Variants in OXNAD1 observed in about 807,000 individuals in gnomAD.
The protein encoded by OXNAD1 is oxidoreductase NAD binding domain containing 1, also known as oxidoreductase NAD-binding domain-containing protein 1.
A neutral mutation model predicts 32.9 loss-of-function variants in OXNAD1; 34 were observed. The observed-to-expected ratio is 1.03, with a 90% confidence interval of 0.79 to 1.38. The LOEUF (loss-of-function observed/expected upper bound fraction) is 1.38, where lower values mean the gene tolerates loss of function less well. Ranked by LOEUF, OXNAD1 falls within the 40% of genes most tolerant of loss-of-function variation. OXNAD1 has a pLI of 0.00. For synonymous variants in OXNAD1, 134 were observed against 135.2 expected (o/e 0.99, Z 0.06); for missense variants, 407 against 379.4 (o/e 1.07, Z -0.60).
At chr3:16,300,098 C>T (rs1178934853) in intron 6 of OXNAD1, among the ~76,000 whole-genome samples, 1 of 152,138 alleles carries the variant, frequency 6.6e-6, no homozygotes, top group Non-Finnish European at 1.5e-5. Context: ...ACTCCTAGAT[C>T]AGTGGTTTTT....
At chr3:16,267,798 C>T (rs2064637947) in intron 1 of OXNAD1, among the ~76,000 whole-genome samples, 1 of 152,178 alleles carries the variant, frequency 6.6e-6, no homozygotes, top group African/African-American at 2.4e-5. Flanking sequence ...TATTATATCT[C>T]CAAGGCCTAA....
intron 4 of OXNAD1, among the ~76,000 whole-genome samples, chr3:16,272,644 GTTCTT>G (rs2065031021): frequency 8.4e-6 from 1 of 118,836 alleles, no homozygotes; most frequent in Non-Finnish European, 1.7e-5. Context: ...TCAGCTTAAA[GTTCTT>G]TTTTTTTTTT....
Position 16,334,438 on chromosome 3 carries a change from G to C in OXNAD1, c.*31-2674G>C, listed in dbSNP as rs578145626. Among the ~76,000 whole-genome samples, 2 of 152,250 alleles carry C rather than the reference G, an allele frequency of 1.3e-5. No individual in the cohort carries two copies. The highest frequency in any genetic ancestry group is 4.8e-5 in the African/African-American group (2 of 41,540). ...ATTTAACCTACGTATTAAAAAATGAGAAATGCACAGAGTTATTCACTGGAG... is the reference window on the plus strand; with the variant it reads ...ATTTAACCTACGTATTAAAAAATGACAAATGCACAGAGTTATTCACTGGAG... On this transcript the variant is annotated intron_variant, in intron 9 of 9. Transcript: ENST00000435829. The surrounding 1 kb of genome is among the most constrained non-coding windows in gnomAD (Gnocchi z 4.3).
intron 4 of OXNAD1, among the ~76,000 whole-genome samples, chr3:16,272,703 T>C (rs539661093): frequency 6.6e-6 from 1 of 150,716 alleles, no homozygotes; most frequent in South Asian, 2.1e-4. Context: ...ATAGTAGATT[T>C]AGGAGCTTGT....
chr3:16,318,440 T>G (rs2125164874), intron 9 of OXNAD1, among the ~76,000 whole-genome samples: 1 of 152,332 alleles, frequency 6.6e-6, no homozygotes, highest in Admixed American at 6.5e-5. Context: ...GGAAATGATT[T>G]CTTAAGGCTT....
rs780469915 is a variant in OXNAD1, at chr3:16,326,770, T to A, written c.*31-10342T>A. On this transcript the variant is annotated intron_variant, in intron 9 of 9. Coordinates refer to the OXNAD1 transcript ENST00000435829. ...GAATCCTAATGATTACTGTTATTGT[T>A]ACCTGGTAGTCTTGACGACGGGAGT... The A allele has an allele frequency of 1.9e-6, 3 of 1,610,390 alleles. No individual in the cohort carries two copies. The South Asian group carries it at 3.3e-5, about 18-fold the overall frequency.
intron 9 of OXNAD1, among the ~76,000 whole-genome samples, chr3:16,324,646 TTGTGTGTGTGTGTGTGTGTG>T (rs71632869): frequency 4.0e-5 from 4 of 100,434 alleles, no homozygotes; most frequent in African/African-American, 1.7e-4. Flanking sequence ...TAGTATTCCA[TTGTGTGTGTGTGTGTGTGTG>T]TGTGTGTGTG....
chr3:16,294,759 T>G (rs1166333582), intron 5 of OXNAD1, 97 bp from the exon 6 acceptor site: 1 of 1,192,806 alleles, frequency 8.4e-7, no homozygotes, highest in African/African-American at 1.5e-5. Context: ...TTTTAGTAAT[T>G]TTTTTTCATA....
chr3:16,310,494 C>T (rs943226801), downstream of OXNAD1, among the ~76,000 whole-genome samples: 18 of 152,088 alleles, frequency 1.2e-4, no homozygotes, highest in African/African-American at 3.1e-4. Flanking sequence ...GACTAGTGAG[C>T]AACACATTTA....
chr3:16,287,402 C>T lies in OXNAD1; in HGVS notation c.290+954C>T, dbSNP rs2066146899. 1.3e-5 allele frequency among the ~76,000 whole-genome samples: 2 copies of T among 152,178 alleles called. No homozygotes were observed. The highest frequency in any genetic ancestry group is 1.3e-4 in the Admixed American group (2 of 15,276). ...TGCCTTTGAATTTAGAACTAGAAAA[C>T]AAGATGCTGATTGCAATAATTTGGG... On this transcript the variant is annotated intron_variant, in intron 5 of 8. Transcript: ENST00000285083. The surrounding 1 kb of genome is among the most constrained non-coding windows in gnomAD (Gnocchi z 4.8).
chr3:16,323,322 C>G, intron 9 of OXNAD1: 1 of 1,333,258 alleles, frequency 7.5e-7, no homozygotes, highest in Non-Finnish European at 1.1e-6. Flanking sequence ...AGAAAATCCA[C>G]TGAAGATGAA....
At chr3:16,342,112 AG>A (rs1361693103), downstream of OXNAD1, among the ~76,000 whole-genome samples, 20 of 152,206 alleles carry the variant, frequency 1.3e-4, no homozygotes, top group Non-Finnish European at 2.5e-4. The surrounding 1 kb of genome is among the most constrained non-coding windows in gnomAD (Gnocchi z 4.0). Context: ...ATATATTCAG[AG>A]TTATACAACC....
rs2065395971 is a variant in OXNAD1, at chr3:16,277,114, A to T, written c.183+5392A>T. On this transcript the variant is annotated intron_variant, in intron 4 of 8. Coordinates refer to ENST00000285083, the MANE Select transcript of OXNAD1 (RefSeq NM_138381.5). The surrounding 1 kb of genome is among the most constrained non-coding windows in gnomAD (Gnocchi z 4.3). ...TAACTTTTTTTTGTATTTTTAGTAGAGACGGGGTTTCACTGTGTTGGCCAG... is the reference window on the plus strand; with the variant it reads ...TAACTTTTTTTTGTATTTTTAGTAGTGACGGGGTTTCACTGTGTTGGCCAG... Among the ~76,000 whole-genome samples the T allele has an allele frequency of 6.6e-6, 1 of 151,816 alleles. No homozygotes were observed. The highest frequency in any genetic ancestry group is 2.4e-5 in the African/African-American group (1 of 41,296).
At position 16,321,600 on chromosome 3, in the gene OXNAD1, G is replaced by T. The variant is rs564563399; in HGVS notation, c.*31-15512G>T. Among the ~76,000 whole-genome samples, 3 of 152,288 alleles carry T rather than the reference G, an allele frequency of 2.0e-5. No homozygotes were observed. The highest frequency in any genetic ancestry group is 2.9e-5 in the Non-Finnish European group (2 of 68,010). ...TCTGGCTGTGAAGCCCCCCTCTCTG[G>T]AGGACTCCCATCTGTGAGGTGACCC... On this transcript the variant is annotated intron_variant, in intron 9 of 9. Transcript: ENST00000435829. The surrounding 1 kb of genome is among the most constrained non-coding windows in gnomAD (Gnocchi z 4.8).
chr3:16,286,665 G>A (rs533448627), intron 5 of OXNAD1, among the ~76,000 whole-genome samples: 10 of 152,286 alleles, frequency 6.6e-5, no homozygotes, highest in South Asian at 6.2e-4. Flanking sequence ...TCCCTCAGTC[G>A]TATATGAAAA....
In OXNAD1 at chr3:16,287,877, T is replaced by C. The variant is rs879297949; in HGVS notation, c.290+1429T>C. Among the ~76,000 whole-genome samples, 4 of 152,188 alleles carry C rather than the reference T, an allele frequency of 2.6e-5. No individual in the cohort carries two copies. Among genetic ancestry groups the C allele is most frequent in the Non-Finnish European group, 4.4e-5 (3 of 68,010 alleles). ...GTGTCATGTATACCATCCCAATGAA[T>C]GGATTTGGCCATTTCACTGAATTTA... On this transcript the variant is annotated intron_variant, in intron 5 of 8. Transcript: ENST00000285083. This position sits in a 1 kb window ranked among gnomAD's most constrained non-coding sequence, Gnocchi z 4.8.
chr3:16,269,641 A>G (rs1575036056), intron 2 of OXNAD1, among the ~76,000 whole-genome samples: 1 of 152,308 alleles, frequency 6.6e-6, no homozygotes, highest in East Asian at 1.9e-4. Flanking sequence ...TGTTTTCTTC[A>G]TGCCTAAAGC....
rs1284704508 is a variant in OXNAD1 at position 16,334,778 on chromosome 3, G to A, written c.*31-2334G>A. Among the ~76,000 whole-genome samples the A allele has an allele frequency of 6.6e-6, 1 of 152,226 alleles. No individual in the cohort carries two copies. The highest frequency in any genetic ancestry group is 1.9e-4 in the East Asian group (1 of 5,200). ...CCTGTGAAAATGTTCCCTTCGCATG[G>A]TAAAGGGATGTGGCAGATATGATTA... On this transcript the variant is annotated intron_variant, in intron 9 of 9. Coordinates refer to the OXNAD1 transcript ENST00000435829. This position sits in a 1 kb window ranked among gnomAD's most constrained non-coding sequence, Gnocchi z 4.3.
At chr3:16,331,731 GT>G (rs2070333066) in intron 9 of OXNAD1, among the ~76,000 whole-genome samples, 1 of 152,084 alleles carries the variant, frequency 6.6e-6, no homozygotes, top group East Asian at 1.9e-4. Flanking sequence ...TGGGTTCTTC[GT>G]AAATTACTGT....
Sources: allele counts gnomAD v4.1 joint callset (sites outside exome capture counted in the v4.1 genomes callset), GRCh38; gene constraint gnomAD v4.1.1; non-coding constraint Gnocchi (gnomAD v3.1); transcripts MANE v1.5; gene names NCBI Gene and HGNC (gene_info 2026-07-23, HGNC 2026-07-21).